Variants in JAZF1 observed in about 807,000 individuals in gnomAD.
The protein encoded by JAZF1 is JAZF zinc finger 1, also known as juxtaposed with another zinc finger protein 1.
JAZF1 carries 8 observed loss-of-function variants against 26.4 expected under a neutral mutation model. The ratio of observed to expected loss-of-function variants is 0.30; its 90% CI spans 0.18 to 0.55. JAZF1 has a LOEUF of 0.55. JAZF1 is among the 20% of genes least tolerant of loss of function. The probability of loss-of-function intolerance (pLI) is 0.94; values close to 1 mark genes in which losing one functional copy is unlikely to be tolerated. For missense variants in JAZF1, 199 were observed against 322.0 expected, an observed-to-expected ratio of 0.62 and a Z score of 2.92; for synonymous variants, 126 against 122.3, an observed-to-expected ratio of 1.03 and a Z score of -0.20.
chr7:28,021,304 C>T (rs1227743826), intron 1 of JAZF1, among the ~76,000 whole-genome samples: 3 of 152,144 alleles, frequency 2.0e-5, no homozygotes, highest in African/African-American at 4.8e-5. Flanking sequence ...GAGTCACAGG[C>T]CTTAGGAATC....
At chr7:27,980,138 A>T (rs2128361916) in intron 2 of JAZF1, among the ~76,000 whole-genome samples, 1 of 152,296 alleles carries the variant, frequency 6.6e-6, no homozygotes, top group South Asian at 2.1e-4. Context: ...TAACTCTGAT[A>T]TCCCAACAGG....
At chr7:27,932,117 G>C (rs1265171731) in intron 2 of JAZF1, among the ~76,000 whole-genome samples, 1 of 152,122 alleles carries the variant, frequency 6.6e-6, no homozygotes, top group African/African-American at 2.4e-5. Context: ...AGGAAAAGCG[G>C]GTAAAAACAG....
At chr7:28,092,290 CAAAAAAAA>C (rs749913273) in intron 1 of JAZF1, among the ~76,000 whole-genome samples, 3 of 12,786 alleles carry the variant, frequency 2.3e-4, no homozygotes, top group African/African-American at 6.5e-4. Flanking sequence ...GGACAAAAGG[CAAAAAAAA>C]AAAAAAAAAA....
chr7:27,837,899 G>A (rs1782847905), intron 4 of JAZF1, among the ~76,000 whole-genome samples: 1 of 152,092 alleles, frequency 6.6e-6, no homozygotes, highest in African/African-American at 2.4e-5. Context: ...CTTCTTCTGG[G>A]GAGATCAAAG....
At chr7:28,060,629 T>G (rs1055697071) in intron 1 of JAZF1, among the ~76,000 whole-genome samples, 5 of 152,230 alleles carry the variant, frequency 3.3e-5, no homozygotes, top group Non-Finnish European at 1.5e-5. Flanking sequence ...CTCCTCCACA[T>G]AGCTCTAAGG....
At chr7:28,030,003 C>T (rs918228608) in intron 1 of JAZF1, among the ~76,000 whole-genome samples, 2 of 152,186 alleles carry the variant, frequency 1.3e-5, no homozygotes, top group African/African-American at 4.8e-5. Context: ...GTTAATAATA[C>T]AACTTGGCAT....
intron 1 of JAZF1, among the ~76,000 whole-genome samples, chr7:28,060,338 T>G (rs1229257389): frequency 6.6e-6 from 1 of 152,232 alleles, no homozygotes; most frequent in Non-Finnish European, 1.5e-5. Context: ...TGCTGACTCT[T>G]GTTCATAATG....
intron 1 of JAZF1, among the ~76,000 whole-genome samples, chr7:28,118,907 A>G (rs1374494042): frequency 1.3e-5 from 2 of 152,216 alleles, no homozygotes; most frequent in Non-Finnish European, 2.9e-5. Context: ...CACACAGCAG[A>G]TATCTTACCA....
chr7:28,180,049 G>A (rs1311790340), intron 1 of JAZF1, among the ~76,000 whole-genome samples: 2 of 146,324 alleles, frequency 1.4e-5, no homozygotes, highest in African/African-American at 4.9e-5. Context: ...CGACCACCCG[G>A]GCCAACTAAC....
chr7:28,040,393 C>T (rs1342389322), intron 1 of JAZF1, among the ~76,000 whole-genome samples: 2 of 152,058 alleles, frequency 1.3e-5, no homozygotes, highest in African/African-American at 4.8e-5. Context: ...AAGAAAATAT[C>T]GAAGAGAGAT....
In JAZF1 at chr7:27,990,399, G is replaced by A. The variant is rs1036418582; in HGVS notation, c.188+1510C>T. ...GTATACATATGTAACAAACCTGCAC[G>A]TTGTGCACATGTACCCTAGAACTTA... is the stretch of plus-strand genomic sequence containing the variant. On this transcript the variant is annotated intron_variant, in intron 2 of 4. Coordinates refer to ENST00000283928, the MANE Select transcript of JAZF1 (RefSeq NM_175061.4). Among the ~76,000 whole-genome samples, 19 of 151,010 alleles carry A rather than the reference G, an allele frequency of 1.3e-4. No individual in the cohort carries two copies. The East Asian group carries it at 2.9e-3, about 23-fold the overall frequency.
intron 2 of JAZF1, among the ~76,000 whole-genome samples, chr7:27,939,552 C>T (rs561538851): frequency 6.6e-6 from 1 of 152,358 alleles, no homozygotes; most frequent in East Asian, 1.9e-4. Flanking sequence ...CCCTGTCCCA[C>T]CTGCCAGTTA....
intron 1 of JAZF1, among the ~76,000 whole-genome samples, chr7:28,017,264 T>C (rs1782910484): frequency 6.6e-6 from 1 of 151,162 alleles, no homozygotes; most frequent in Admixed American, 6.6e-5. Flanking sequence ...GGCAGGAGAA[T>C]TGCTTGAACC....
chr7:28,024,927 A>C (rs1008085834), intron 1 of JAZF1, among the ~76,000 whole-genome samples: 3 of 152,214 alleles, frequency 2.0e-5, no homozygotes, highest in African/African-American at 4.8e-5. Context: ...CACCATGACC[A>C]GCAGAATCAT....
At chr7:27,969,318 C>T (rs753712519) in intron 2 of JAZF1, among the ~76,000 whole-genome samples, 41 of 152,152 alleles carry the variant, frequency 2.7e-4, no homozygotes, top group Non-Finnish European at 5.6e-4. Flanking sequence ...GGAGAGAGGA[C>T]GTTGGCAAGG....
At chr7:28,171,010 A>G (rs1783461893) in intron 1 of JAZF1, among the ~76,000 whole-genome samples, 1 of 152,222 alleles carries the variant, frequency 6.6e-6, no homozygotes. Context: ...GGATCCCCCC[A>G]AATAATAAAT....
chr7:28,010,265 C>A (rs1191024129), intron 1 of JAZF1, among the ~76,000 whole-genome samples: 1 of 152,176 alleles, frequency 6.6e-6, no homozygotes, highest in African/African-American at 2.4e-5. Flanking sequence ...TCCCTCCTAG[C>A]TAGGCATGGT....
intron 3 of JAZF1, among the ~76,000 whole-genome samples, chr7:27,849,779 A>G (rs952234390): frequency 3.3e-5 from 5 of 151,854 alleles, no homozygotes; most frequent in Non-Finnish European, 7.4e-5. Flanking sequence ...ACACACCCCT[A>G]CACCTCTTCC....
chr7:27,967,932 A>G (rs1313253814), intron 2 of JAZF1, among the ~76,000 whole-genome samples: 1 of 152,226 alleles, frequency 6.6e-6, no homozygotes, highest in Non-Finnish European at 1.5e-5. Flanking sequence ...CTACTAGCTA[A>G]ACACACATCT....
Sources: allele counts gnomAD v4.1 joint callset (sites outside exome capture counted in the v4.1 genomes callset), GRCh38; gene constraint gnomAD v4.1.1; transcripts MANE v1.5; gene names NCBI Gene and HGNC (gene_info 2026-07-23, HGNC 2026-07-21).